Variants in LIMA1 observed in about 807,000 individuals in gnomAD.
LIMA1 encodes the protein LIM domain and actin-binding protein 1.
A neutral mutation model predicts 62.6 loss-of-function variants in LIMA1; 52 were observed. The observed-to-expected ratio is 0.83, with a 90% CI of 0.67 to 1.05. LIMA1 has a LOEUF of 1.05. Among genes scored for constraint, LIMA1 ranks in the 50% least tolerant of loss-of-function variants. The probability of loss-of-function intolerance (pLI) is 0.00; values close to 1 mark genes in which losing one functional copy is unlikely to be tolerated. For synonymous variants in LIMA1, 302 were observed against 317.8 expected, an observed-to-expected ratio of 0.95 and a Z score of 0.53; for missense variants, 780 against 902.2, an observed-to-expected ratio of 0.86 and a Z score of 1.74.
At chr12:50,179,147 T>C (rs1301193521) in intron 10 of LIMA1, among the ~76,000 whole-genome samples, 1 of 150,392 alleles carries the variant, frequency 6.6e-6, no homozygotes, top group East Asian at 2.0e-4. Flanking sequence ...GGCTAATTTT[T>C]GTATTGTTTT....
chr12:50,273,106 C>A (rs1383915167), intron 1 of LIMA1, among the ~76,000 whole-genome samples: 1 of 150,810 alleles, frequency 6.6e-6, no homozygotes, highest in Non-Finnish European at 1.5e-5. Flanking sequence ...GAGCCTTACT[C>A]TCTCTCCCAG....
intron 9 of LIMA1, among the ~76,000 whole-genome samples, chr12:50,191,521 G>C (rs1940771150): frequency 6.6e-6 from 1 of 151,148 alleles, no homozygotes; most frequent in Admixed American, 6.6e-5. Flanking sequence ...GCAAGACCCT[G>C]TCTCAAAAAA....
chr12:50,259,963 C>G (rs1942043944), intron 1 of LIMA1, among the ~76,000 whole-genome samples: 1 of 152,110 alleles, frequency 6.6e-6, no homozygotes, highest in Admixed American at 6.5e-5. Flanking sequence ...CCACTTTTCT[C>G]TTTTCTTGCA....
intron 1 of LIMA1, among the ~76,000 whole-genome samples, chr12:50,282,964 TGTAA>T (rs1210740855): frequency 6.6e-6 from 1 of 152,040 alleles, no homozygotes; most frequent in East Asian, 1.9e-4. Flanking sequence ...CTCAAAAGGG[TGTAA>T]GTGTCTTAAA....
At chr12:50,274,628 T>C (rs1565866530) in intron 1 of LIMA1, among the ~76,000 whole-genome samples, 1 of 151,878 alleles carries the variant, frequency 6.6e-6, no homozygotes, top group Non-Finnish European at 1.5e-5. Flanking sequence ...GAAATTTCCA[T>C]TCCACTGGAG....
intron 2 of LIMA1, among the ~76,000 whole-genome samples, chr12:50,238,953 T>G (rs1037526207): frequency 6.6e-6 from 1 of 152,172 alleles, no homozygotes; most frequent in Non-Finnish European, 1.5e-5. Flanking sequence ...TATTTGAGTT[T>G]TAAGTAACAA....
chr12:50,274,968 T>C (rs1336780605), intron 1 of LIMA1, among the ~76,000 whole-genome samples: 3 of 152,160 alleles, frequency 2.0e-5, no homozygotes, highest in African/African-American at 2.4e-5. Flanking sequence ...TTAATAACAA[T>C]GCTAAAGGAT....
chr12:50,222,261 G>GA lies in LIMA1; in HGVS notation c.389dup (p.Arg131GlnfsTer5). On this transcript the variant is annotated frameshift_variant, in exon 4 of 11. Transcript: ENST00000341247. LOFTEE classifies it high-confidence loss of function. ...GAACGAGGGCTTCAGGAGGTGACCT[G>GA]AGTCTAGATCTGGGGTGGATTTGTT... The GA allele has an allele frequency of 6.2e-7, 1 of 1,614,176 alleles. No homozygotes were observed. The highest frequency in any genetic ancestry group is 8.5e-7 in the Non-Finnish European group (1 of 1,180,034).
At chr12:50,279,997 T>C (rs1942319205) in intron 1 of LIMA1, among the ~76,000 whole-genome samples, 1 of 152,076 alleles carries the variant, frequency 6.6e-6, no homozygotes, top group South Asian at 2.1e-4. Context: ...CAAAACATAT[T>C]TGAAGGACTG....
At chr12:50,256,594 A>G (rs1942000141) in intron 1 of LIMA1, among the ~76,000 whole-genome samples, 1 of 152,088 alleles carries the variant, frequency 6.6e-6, no homozygotes, top group Admixed American at 6.6e-5. Flanking sequence ...GTCTACCCCA[A>G]TCTATGACAG....
At chr12:50,254,841 C>T (rs778209611) in intron 1 of LIMA1, among the ~76,000 whole-genome samples, 1 of 152,064 alleles carries the variant, frequency 6.6e-6, no homozygotes, top group Non-Finnish European at 1.5e-5. Context: ...GAGTGGATCA[C>T]TTAAGTTCAG....
chr12:50,233,025 CAG>C (rs1941636901), intron 2 of LIMA1, among the ~76,000 whole-genome samples: 1 of 152,176 alleles, frequency 6.6e-6, no homozygotes, highest in Non-Finnish European at 1.5e-5. Flanking sequence ...CTATTTCTGC[CAG>C]CAGTTGCTTT....
At chr12:50,214,024 C>CCACA (rs10632810) in intron 4 of LIMA1, among the ~76,000 whole-genome samples, 35,001 of 104,422 alleles carry the variant, frequency 0.34, 4,756 homozygotes, top group East Asian at 0.66. Context: ...TATTATCTTA[C>CCACA]CACACACACA....
chr12:50,226,609 G>A (rs1313518478), intron 3 of LIMA1, among the ~76,000 whole-genome samples: 1 of 152,152 alleles, frequency 6.6e-6, no homozygotes, highest in East Asian at 1.9e-4. Flanking sequence ...GGGAGGCCGA[G>A]GCGGGCGGAT....
intron 7 of LIMA1, among the ~76,000 whole-genome samples, chr12:50,198,819 T>A (rs923947956): frequency 6.6e-6 from 1 of 152,224 alleles, no homozygotes; most frequent in Non-Finnish European, 1.5e-5. Flanking sequence ...ATAATTCCCC[T>A]GACATAAATA....
At chr12:50,237,501 G>T (rs1021460118) in intron 2 of LIMA1, among the ~76,000 whole-genome samples, 2 of 152,122 alleles carry the variant, frequency 1.3e-5, no homozygotes, top group African/African-American at 4.8e-5. Flanking sequence ...GCTGGGCATG[G>T]TGGCTCATGC....
chr12:50,199,651 G>A (rs988360285), intron 7 of LIMA1, among the ~76,000 whole-genome samples: 2 of 151,942 alleles, frequency 1.3e-5, no homozygotes, highest in Admixed American at 1.3e-4. Context: ...ACATGGAATG[G>A]TTTGTCAATA....
intron 1 of LIMA1, among the ~76,000 whole-genome samples, chr12:50,273,125 T>G (rs933247186): frequency 6.6e-6 from 1 of 151,982 alleles, no homozygotes; most frequent in African/African-American, 2.4e-5. Context: ...AGGCTAATTT[T>G]TGTAATTTTA....
chr12:50,238,539 CA>C (rs199612267), intron 2 of LIMA1, among the ~76,000 whole-genome samples: 2 of 149,756 alleles, frequency 1.3e-5, no homozygotes, highest in Non-Finnish European at 3.0e-5. Context: ...CAAAAAAAGA[CA>C]AAAAAAACTT....
Sources: allele counts gnomAD v4.1 joint callset (sites outside exome capture counted in the v4.1 genomes callset), GRCh38; gene constraint gnomAD v4.1.1; transcripts MANE v1.5; gene names NCBI Gene and HGNC (gene_info 2026-07-23, HGNC 2026-07-21).